Variants in CEP120 observed in about 807,000 individuals in gnomAD.
CEP120 encodes the protein centrosomal protein of 120 kDa.
CEP120 carries 113 observed loss-of-function variants against 126.5 expected under a neutral mutation model. The ratio of observed to expected loss-of-function variants is 0.89; its 90% CI spans 0.77 to 1.04. The LOEUF is 1.04. Ranked by LOEUF, CEP120 falls within the 50% of genes least tolerant of loss-of-function variation. The probability of loss-of-function intolerance (pLI) is 0.00; values close to 1 mark genes in which losing one functional copy is unlikely to be tolerated. For synonymous variants in CEP120, 400 were observed against 394.3 expected, an observed-to-expected ratio of 1.01 and a Z score of -0.17; for missense variants, 1,230 against 1,155.7, an observed-to-expected ratio of 1.06 and a Z score of -0.93.
In CEP120 at chr5:123,346,451, C is replaced by T. The variant is rs1768820465; in HGVS notation, c.*68G>A. The T allele has an allele frequency of 3.3e-6, 4 of 1,200,940 alleles. No individual in the cohort carries two copies. Among genetic ancestry groups the T allele is most frequent in the South Asian group, 1.5e-5 (1 of 65,858 alleles). The allele number at this position is 1,200,940 out of a possible 1,614,324, so 74.4% of individuals were successfully genotyped here. Reference sequence around the variant, plus strand: ...CATTTTAAAACATCCATTTTCCTCACTTTTGAGGTTTTTACAAAGAAATTA... The same window carrying T: ...CATTTTAAAACATCCATTTTCCTCATTTTTGAGGTTTTTACAAAGAAATTA... On this transcript the variant is annotated 3_prime_UTR_variant, in exon 20 of 20. Transcript: ENST00000306467.
In CEP120 at chr5:123,418,426, T is replaced by G; in HGVS notation, c.139A>C (p.Thr47Pro). Reference sequence around the variant, plus strand: ...TCAGTAGCAAATTCTGGCTGGTCAGTGTGGTCCACAGGATCAGTAGCCAAC... The same window carrying G: ...TCAGTAGCAAATTCTGGCTGGTCAGGGTGGTCCACAGGATCAGTAGCCAAC... ...EQLATDPVDH[T>P]DQPEFATELA... is the part of the protein sequence containing the mutation. The change falls in exon 2 of 20, where the codon ACT becomes CCT. Residue 47 changes from threonine (T) to proline (P), a missense_variant. Transcript: ENST00000306467. The G allele has an allele frequency of 6.2e-7, 1 of 1,613,212 alleles. No individual in the cohort carries two copies. The highest frequency in any genetic ancestry group is 8.5e-7 in the Non-Finnish European group (1 of 1,179,286).
rs1379293456 is a variant in CEP120, at chr5:123,423,109, C to T, written c.-111G>A. ...GACCCCCACTGCCCGCCCCCGGTCC[C>T]TGATGCCCGGACCCCGCTCCGCAGC... On this transcript the variant is annotated 5_prime_UTR_variant, in exon 1 of 20. Coordinates refer to ENST00000306467, the MANE Select transcript of CEP120 (RefSeq NM_001375405.1). 5.6e-6 allele frequency: 5 copies of T among 886,028 alleles called. No homozygotes were observed. In the Admixed American group the frequency reaches 9.4e-5, roughly 17 times the overall value. 54.9% of individuals were successfully genotyped at this position (886,028 alleles called of 1,614,324 possible). A position where few individuals can be genotyped will look rare whatever the true frequency, so the allele number is the denominator to read the frequency against.
chr5:123,360,136 A>G, intron 18 of CEP120, among the ~76,000 whole-genome samples: 1 of 150,446 alleles, frequency 6.6e-6, no homozygotes, highest in Admixed American at 6.7e-5. Flanking sequence ...TTGCACAAAC[A>G]ATCTTCTGAA....
intron 1 of CEP120, among the ~76,000 whole-genome samples, chr5:123,419,921 T>C (rs1164925385): frequency 2.0e-5 from 3 of 152,198 alleles, no homozygotes; most frequent in African/African-American, 4.8e-5. Context: ...TGTTTATAAA[T>C]CTGTTAAGGT....
At chr5:123,369,971 T>G (rs1770732226) in intron 17 of CEP120, among the ~76,000 whole-genome samples, 1 of 151,950 alleles carries the variant, frequency 6.6e-6, no homozygotes. Flanking sequence ...TCAAAACAAT[T>G]TTGTACCAAG....
At chr5:123,349,409 C>T (rs997127286) in intron 19 of CEP120, among the ~76,000 whole-genome samples, 1 of 152,004 alleles carries the variant, frequency 6.6e-6, no homozygotes, top group African/African-American at 2.4e-5. Context: ...AAAGTAAGAG[C>T]TCATTAAGAG....
chr5:123,380,219 T>C (rs541144843), intron 14 of CEP120, among the ~76,000 whole-genome samples: 2 of 152,126 alleles, frequency 1.3e-5, no homozygotes, highest in African/African-American at 4.8e-5. Context: ...CAACTTTTTT[T>C]TCTCACTACT....
At chr5:123,349,204 A>C (rs896894298) in intron 19 of CEP120, among the ~76,000 whole-genome samples, 3 of 152,196 alleles carry the variant, frequency 2.0e-5, no homozygotes, top group African/African-American at 7.2e-5. Context: ...GTTAAAATGC[A>C]ATCTCTGGAA....
chr5:123,376,757 C>T (rs1385285613), intron 16 of CEP120, among the ~76,000 whole-genome samples: 2 of 152,026 alleles, frequency 1.3e-5, no homozygotes, highest in African/African-American at 4.8e-5. Flanking sequence ...TTGGATATGA[C>T]CCTGCATGTG....
intron 17 of CEP120, 107 bp downstream of exon 17, chr5:123,372,543 C>T: frequency 2.6e-6 from 3 of 1,136,180 alleles, no homozygotes. Flanking sequence ...TCTTATTTGA[C>T]ATCAGAACAC....
At position 123,414,971 on chromosome 5, in the gene CEP120, C is replaced by CAAAAAAA. The variant is rs56756568; in HGVS notation, c.321+1032_321+1038dup. Among the ~76,000 whole-genome samples, 25 of 40,668 alleles carry CAAAAAAA rather than the reference C, an allele frequency of 6.1e-4. 1 individual carries two copies. The highest frequency in any genetic ancestry group is 2.4e-3 in the African/African-American group (21 of 8,654). 26.7% of individuals were successfully genotyped at this position (40,668 alleles called of 152,430 possible). On this transcript the variant is annotated intron_variant, in intron 3 of 19. Coordinates refer to ENST00000306467, the MANE Select transcript of CEP120 (RefSeq NM_001375405.1). ...TGGGCAACAGAGCAAGACTCCATCT[C>CAAAAAAA]AAAAAAAAAAAAAAAAAAAAAAAAA...
rs2127037607 is a variant in CEP120 at position 123,378,438 on chromosome 5, A to AG, written c.2104-11dup. The AG allele has an allele frequency of 1.5e-6, 2 of 1,315,982 alleles. No individual in the cohort carries two copies. The highest frequency in any genetic ancestry group is 3.3e-5 in the African/African-American group (2 of 59,978). The allele number at this position is 1,315,982 out of a possible 1,614,324, so 81.5% of individuals were successfully genotyped here. A position where few individuals can be genotyped will look rare whatever the true frequency, so the allele number is the denominator to read the frequency against. ...TAGTATATTCAGCCACCTAAAATAT[A>AG]GTAAAAAAAAAAAAAAAAAAGTTAC... On this transcript the variant is annotated splice_polypyrimidine_tract_variant and intron_variant, in intron 14 of 19. Transcript: ENST00000306467.
chr5:123,423,032 T>G lies in CEP120; in HGVS notation c.-34A>C, dbSNP rs1562107925. ...TGAGCGGTCCGGGGGCGAAGGCGGC[T>G]GGGGGGAAGTGAGGTCCAGTTGAGT... On this transcript the variant is annotated 5_prime_UTR_variant, in exon 1 of 20. Coordinates refer to ENST00000306467, the MANE Select transcript of CEP120 (RefSeq NM_001375405.1). The G allele has an allele frequency of 1.3e-6, 2 of 1,594,326 alleles. No individual in the cohort carries two copies. Among genetic ancestry groups the G allele is most frequent in the Middle Eastern group, 1.7e-4 (1 of 5,978 alleles).
chr5:123,378,037 TATAGAGCACAAAGTA>T (rs1426217656), intron 15 of CEP120, among the ~76,000 whole-genome samples: 7 of 152,100 alleles, frequency 4.6e-5, no homozygotes, highest in Non-Finnish European at 8.8e-5. Flanking sequence ...TCATGAAATA[TATAGAGCACAAAGTA>T]ATAAACAGTA....
chr5:123,364,576 A>G lies in CEP120; in HGVS notation c.2500T>C (p.Leu834=). The change falls in exon 18 of 20, where the codon TTG becomes CTG. Residue 834 remains leucine (L), a synonymous_variant. Transcript: ENST00000306467. The part of the protein sequence containing the change: ...TLEKVELERK[L]ESATKSKLHY... ...AGTTTAGACTTAGTTGCAGATTCCA[A>G]CTTTCTTTCAAGTTCAACCTAACAG... 6.2e-7 allele frequency: 1 copy of G among 1,605,042 alleles called. No homozygotes were observed. The highest frequency in any genetic ancestry group is 8.5e-7 in the Non-Finnish European group (1 of 1,174,318).
Position 123,384,964 on chromosome 5 carries a change from T to C in CEP120, c.1750A>G (p.Ile584Val). 1.2e-6 allele frequency: 2 copies of C among 1,609,406 alleles called. No individual in the cohort carries two copies. The highest frequency in any genetic ancestry group is 1.7e-6 in the Non-Finnish European group (2 of 1,178,182). ...GAAATGCATTACCCTTGTGCTGCTA[T>C]AACAGGCACACTTTCACTGTAAGTT... ...RQTYSESVPV[I>V]AAQGSNNRIA... The change falls in exon 11 of 20, where the codon ATA becomes GTA. Residue 584 changes from isoleucine (I) to valine (V), a missense_variant. Transcript: ENST00000306467.
chr5:123,374,276 T>C (rs969845688), intron 16 of CEP120, among the ~76,000 whole-genome samples: 5 of 152,022 alleles, frequency 3.3e-5, no homozygotes, highest in African/African-American at 7.2e-5. Flanking sequence ...ATTGAGGCAA[T>C]GTCAAAGACC....
chr5:123,375,913 T>C (rs1771181868), intron 16 of CEP120, among the ~76,000 whole-genome samples: 1 of 152,084 alleles, frequency 6.6e-6, no homozygotes, highest in African/African-American at 2.4e-5. Flanking sequence ...TACTGAAGAC[T>C]TGGGAGGCAT....
chr5:123,355,252 G>A (rs1478268481), intron 18 of CEP120, among the ~76,000 whole-genome samples: 1 of 152,158 alleles, frequency 6.6e-6, no homozygotes, highest in African/African-American at 2.4e-5. Flanking sequence ...ACATACGTGT[G>A]CATATGTCTT....
Sources: gnomAD v4.1 joint callset for allele counts (sites outside exome capture counted in the v4.1 genomes callset) on GRCh38, gnomAD v4.1.1 for gene constraint, MANE v1.5 for transcripts, NCBI Gene and HGNC (gene_info 2026-07-23, HGNC 2026-07-21) for gene names.